CTNND2: variants seen among roughly 807,000 people sequenced by gnomAD.
CTNND2 encodes the protein catenin delta-2.
A neutral mutation model predicts 144.4 loss-of-function variants in CTNND2; 22 were observed. That is an observed-to-expected ratio of 0.15 (90% CI 0.11 to 0.22). CTNND2 has a LOEUF of 0.22. CTNND2 is among the 10% of genes least tolerant of loss of function. The pLI, the probability that CTNND2 is intolerant of heterozygous loss-of-function variation, is 1.00. For missense variants in CTNND2, 1,353 were observed against 1,618.8 expected, an observed-to-expected ratio of 0.84 and a Z score of 2.82; for synonymous variants, 751 against 695.6, an observed-to-expected ratio of 1.08 and a Z score of -1.25.
rs191971094 is a variant in CTNND2, at chr5:11,287,342, G to A, written c.1629-50519C>T. 6.6e-5 allele frequency among the ~76,000 whole-genome samples: 10 copies of A among 152,342 alleles called. No homozygotes were observed. The East Asian group carries it at 9.6e-4, about 15-fold the overall frequency. ...CTTAGAAGTAAAGGGGATTCTGGCT[G>A]CAGACTTGAACTCTCCCTTGAGTCT... On this transcript the variant is annotated intron_variant, in intron 9 of 21. Transcript: ENST00000304623.
intron 1 of CTNND2, among the ~76,000 whole-genome samples, chr5:11,811,146 G>A (rs1015970378): frequency 6.6e-6 from 1 of 152,150 alleles, no homozygotes; most frequent in African/African-American, 2.4e-5. Flanking sequence ...AGATGCTGAG[G>A]AAACTGAGGC....
At chr5:11,072,966 G>A (rs1467865974) in intron 16 of CTNND2, among the ~76,000 whole-genome samples, 1 of 152,206 alleles carries the variant, frequency 6.6e-6, no homozygotes, top group Non-Finnish European at 1.5e-5. Flanking sequence ...CTGATTGATG[G>A]CACCAGCCTG....
At chr5:11,792,944 G>A (rs570185023) in intron 1 of CTNND2, among the ~76,000 whole-genome samples, 3 of 152,238 alleles carry the variant, frequency 2.0e-5, no homozygotes, top group South Asian at 2.1e-4. Flanking sequence ...GGGAAAAAAC[G>A]TCCACATTTA....
At chr5:11,666,609 T>C (rs569239254) in intron 2 of CTNND2, among the ~76,000 whole-genome samples, 4 of 152,300 alleles carry the variant, frequency 2.6e-5, no homozygotes, top group African/African-American at 9.6e-5. Context: ...TTGGAATTGT[T>C]CTCTTTATGC....
At chr5:11,299,168 G>T (rs1449878753) in intron 9 of CTNND2, among the ~76,000 whole-genome samples, 2 of 152,074 alleles carry the variant, frequency 1.3e-5, no homozygotes, top group East Asian at 1.9e-4. Context: ...CTTTAGTGAG[G>T]ATCTGTTTTG....
chr5:11,262,110 A>G (rs1190262276), intron 9 of CTNND2, among the ~76,000 whole-genome samples: 2 of 152,176 alleles, frequency 1.3e-5, no homozygotes, highest in African/African-American at 4.8e-5. Context: ...CCACGTTACC[A>G]ATCGAGACGT....
At chr5:11,439,249 C>T (rs1371394703) in intron 3 of CTNND2, among the ~76,000 whole-genome samples, 1 of 152,116 alleles carries the variant, frequency 6.6e-6, no homozygotes, top group Non-Finnish European at 1.5e-5. Flanking sequence ...GTTCAGCATG[C>T]TTGAATTGTC....
At chr5:11,874,453 A>G (rs1870329) in intron 1 of CTNND2, among the ~76,000 whole-genome samples, 54,023 of 151,968 alleles carry the variant, frequency 0.36, 10,097 homozygotes, top group African/African-American at 0.47. Flanking sequence ...TAGGACAAGT[A>G]TGATATACCA....
At chr5:11,471,767 C>A (rs2434672) in intron 3 of CTNND2, among the ~76,000 whole-genome samples, 90,401 of 152,002 alleles carry the variant, frequency 0.59, 28,250 homozygotes, top group African/African-American at 0.78. Context: ...CTTAATTCCA[C>A]ATAGGAGTTA....
chr5:11,239,600 C>T (rs2149902076), intron 9 of CTNND2, among the ~76,000 whole-genome samples: 1 of 152,324 alleles, frequency 6.6e-6, no homozygotes, highest in East Asian at 1.9e-4. Flanking sequence ...TGCTCCACAC[C>T]CTACTATGGC....
At chr5:11,562,162 A>G (rs143840398) in intron 3 of CTNND2, among the ~76,000 whole-genome samples, 8 of 152,298 alleles carry the variant, frequency 5.3e-5, no homozygotes, top group African/African-American at 1.9e-4. Context: ...TTATATACAA[A>G]TATGTCTGGC....
At chr5:11,075,417 A>G (rs879392173) in intron 16 of CTNND2, among the ~76,000 whole-genome samples, 13 of 152,362 alleles carry the variant, frequency 8.5e-5, no homozygotes, top group Admixed American at 3.9e-4. Flanking sequence ...AGCCTCCCCA[A>G]TGTGGTGAAG....
intron 1 of CTNND2, among the ~76,000 whole-genome samples, chr5:11,815,343 A>G (rs540306508): frequency 3.3e-5 from 5 of 152,358 alleles, no homozygotes; most frequent in Admixed American, 3.3e-4. Context: ...TGTAGAAAAT[A>G]CTGTCATAAT....
At chr5:11,298,461 G>A (rs1561175278) in intron 9 of CTNND2, among the ~76,000 whole-genome samples, 1 of 152,310 alleles carries the variant, frequency 6.6e-6, no homozygotes, top group East Asian at 1.9e-4. Flanking sequence ...GTGAGCCACT[G>A]CTCCCAGCCA....
chr5:11,801,963 C>G (rs897562441), intron 1 of CTNND2, among the ~76,000 whole-genome samples: 2 of 152,030 alleles, frequency 1.3e-5, no homozygotes, highest in Admixed American at 1.3e-4. Context: ...TTTCTGCAGG[C>G]TCGAGTGTGT....
intron 1 of CTNND2, among the ~76,000 whole-genome samples, chr5:11,772,316 G>A (rs1280664232): frequency 6.6e-6 from 1 of 152,012 alleles, no homozygotes; most frequent in Non-Finnish European, 1.5e-5. Context: ...CATTCATTTT[G>A]GAAAAGAGTT....
rs897167022 is a variant in CTNND2 at position 11,305,645 on chromosome 5, C to A, written c.1628+40727G>T. 4.9e-4 allele frequency among the ~76,000 whole-genome samples: 74 copies of A among 152,050 alleles called. 1 individual carries two copies. The highest frequency in any genetic ancestry group is 4.8e-3 in the Admixed American group (74 of 15,268). ...GCAGACTTAAGTGACAGGGCTGCTACGGGAAATAAAAAATTAACAAGGAGC... is the reference window on the plus strand; with the variant it reads ...GCAGACTTAAGTGACAGGGCTGCTAAGGGAAATAAAAAATTAACAAGGAGC... On this transcript the variant is annotated intron_variant, in intron 9 of 21. Coordinates refer to ENST00000304623, the MANE Select transcript of CTNND2 (RefSeq NM_001332.4).
chr5:11,762,599 A>G (rs12514050), intron 1 of CTNND2, among the ~76,000 whole-genome samples: 133,669 of 152,246 alleles, frequency 0.88, 60,808 homozygotes, highest in Non-Finnish European at 0.99. Flanking sequence ...GGATGATAGC[A>G]ATCAAGCAAA....
chr5:11,601,794 T>C (rs948348363), intron 2 of CTNND2, among the ~76,000 whole-genome samples: 1 of 152,172 alleles, frequency 6.6e-6, no homozygotes, highest in Non-Finnish European at 1.5e-5. Context: ...ATCAAAATTC[T>C]TATTTGGGAA....
Sources: gnomAD v4.1 joint callset for allele counts (sites outside exome capture counted in the v4.1 genomes callset) on GRCh38, gnomAD v4.1.1 for gene constraint, MANE v1.5 for transcripts, NCBI Gene and HGNC (gene_info 2026-07-23, HGNC 2026-07-21) for gene names.